TBC1D32: variants seen among roughly 807,000 people sequenced by gnomAD.
The protein encoded by TBC1D32 is protein broad-minded.
In TBC1D32, 151 loss-of-function variants were observed where a neutral mutation model predicts 170.3. That is an observed-to-expected ratio of 0.89 (90% CI 0.78 to 1.01). The LOEUF is 1.01. TBC1D32 is among the 50% of genes least tolerant of loss of function. The probability of loss-of-function intolerance (pLI) is 0.00; values close to 1 mark genes in which losing one functional copy is unlikely to be tolerated. For synonymous variants in TBC1D32, 498 were observed against 488.0 expected (o/e 1.02, Z -0.27); for missense variants, 1,464 against 1,457.1 (o/e 1.00, Z -0.08).
chr6:121,217,058 G>GC (rs1793917451), intron 21 of TBC1D32, among the ~76,000 whole-genome samples: 1 of 152,200 alleles, frequency 6.6e-6, no homozygotes, highest in Non-Finnish European at 1.5e-5. Flanking sequence ...TCCTAACACA[G>GC]CCCCATTCAA....
At chr6:121,219,046 C>T (rs1188568026) in intron 21 of TBC1D32, among the ~76,000 whole-genome samples, 1 of 152,058 alleles carries the variant, frequency 6.6e-6, no homozygotes, top group Non-Finnish European at 1.5e-5. Flanking sequence ...AGGGAGGTTC[C>T]ATTACATTAG....
intron 22 of TBC1D32, among the ~76,000 whole-genome samples, chr6:121,170,726 G>A (rs540666382): frequency 8.5e-4 from 129 of 151,980 alleles, no homozygotes; most frequent in African/African-American, 3.1e-3. Flanking sequence ...ATTTTTAAAA[G>A]ACCATGGGTA....
chr6:121,144,912 A>G (rs1411238127), intron 24 of TBC1D32, among the ~76,000 whole-genome samples: 1 of 152,196 alleles, frequency 6.6e-6, no homozygotes, highest in Admixed American at 6.5e-5. Flanking sequence ...AAACCAAACA[A>G]GAGTATTTTC....
intron 11 of TBC1D32, among the ~76,000 whole-genome samples, chr6:121,293,795 C>A (rs1047009777): frequency 3.3e-5 from 5 of 152,172 alleles, no homozygotes; most frequent in Admixed American, 3.3e-4. Flanking sequence ...CCTGTACTCC[C>A]AGCTACTTGG....
chr6:121,080,689 T>G lies in TBC1D32; in HGVS notation c.*82A>C. On this transcript the variant is annotated 3_prime_UTR_variant, in exon 32 of 32. Transcript: ENST00000398212. The stretch of plus-strand genomic sequence containing the variant: ...ATGTATATTCACAAAGTAAATGTTG[T>G]TACAGACACAGAAAAACATCAAGCC... 1 of 1,496,744 alleles carries G rather than the reference T, an allele frequency of 6.7e-7. No homozygotes were observed. The highest frequency in any genetic ancestry group is 9.0e-7 in the Non-Finnish European group (1 of 1,116,106). 92.7% of individuals were successfully genotyped at this position (1,496,744 alleles called of 1,614,324 possible). A position where few individuals can be genotyped will look rare whatever the true frequency, so the allele number is the denominator to read the frequency against.
At chr6:121,297,802 C>G (rs1805887920) in intron 10 of TBC1D32, among the ~76,000 whole-genome samples, 1 of 152,030 alleles carries the variant, frequency 6.6e-6, no homozygotes, top group Non-Finnish European at 1.5e-5. Flanking sequence ...CTCATTTACT[C>G]TAGTCTCATT....
intron 24 of TBC1D32, among the ~76,000 whole-genome samples, chr6:121,147,574 G>T (rs945060317): frequency 1.3e-5 from 2 of 151,632 alleles, no homozygotes; most frequent in Non-Finnish European, 2.9e-5. Context: ...GTGATGGTGA[G>T]CATTTTTAAT....
intron 26 of TBC1D32, among the ~76,000 whole-genome samples, chr6:121,120,295 G>A (rs965251781): frequency 1.1e-4 from 17 of 151,886 alleles, no homozygotes; most frequent in African/African-American, 2.4e-4. Context: ...GATCTCACTC[G>A]GCATAATTTA....
intron 20 of TBC1D32, among the ~76,000 whole-genome samples, chr6:121,226,312 T>TG (rs1795059244): frequency 6.6e-6 from 1 of 151,912 alleles, no homozygotes; most frequent in African/African-American, 2.4e-5. Flanking sequence ...TGGAGAGCAA[T>TG]GGGGGGATAT....
intron 24 of TBC1D32, among the ~76,000 whole-genome samples, chr6:121,159,180 C>T (rs750566052): frequency 6.6e-6 from 1 of 152,186 alleles, no homozygotes; most frequent in Non-Finnish European, 1.5e-5. Context: ...TCCTAGCAGG[C>T]TATACATTTT....
chr6:121,183,036 C>CTGTG (rs55884801), intron 22 of TBC1D32, among the ~76,000 whole-genome samples: 10 of 149,034 alleles, frequency 6.7e-5, no homozygotes, highest in Admixed American at 1.4e-4. Flanking sequence ...AAGAGACAGA[C>CTGTG]TGTGTGTGTG....
In TBC1D32 at chr6:121,310,862, T is replaced by A. The variant is rs9372653; in HGVS notation, c.496-15A>T. 1,437,341 of 1,440,720 alleles carry A rather than the reference T, an allele frequency of 1. 717,058 individuals carry two copies. The highest frequency in any genetic ancestry group is 1 in the East Asian group (43,763 of 43,764). 89.2% of individuals were successfully genotyped at this position (1,440,720 alleles called of 1,614,324 possible). A position where few individuals can be genotyped will look rare whatever the true frequency, so the allele number is the denominator to read the frequency against. On this transcript the variant is annotated splice_polypyrimidine_tract_variant and intron_variant, in intron 3 of 31. Coordinates refer to ENST00000398212, the MANE Select transcript of TBC1D32 (RefSeq NM_152730.6). ...AATTTGTAACTCTGTAACACAATTG[T>A]CAGGACATTCATTTATTTAGAAGGC...
chr6:121,094,512 A>G (rs568902789), intron 30 of TBC1D32, among the ~76,000 whole-genome samples: 1 of 152,260 alleles, frequency 6.6e-6, no homozygotes, highest in African/African-American at 2.4e-5. Context: ...GACAACCTAG[A>G]ATTCTAATAG....
At chr6:121,183,682 CCTT>C (rs1180691842) in intron 22 of TBC1D32, among the ~76,000 whole-genome samples, 1 of 151,988 alleles carries the variant, frequency 6.6e-6, no homozygotes, top group Non-Finnish European at 1.5e-5. Flanking sequence ...GTGAATTAAA[CCTT>C]CTGTGAAGAA....
At chr6:121,196,218 A>G (rs1790719981) in intron 22 of TBC1D32, among the ~76,000 whole-genome samples, 1 of 152,176 alleles carries the variant, frequency 6.6e-6, no homozygotes, top group Non-Finnish European at 1.5e-5. Context: ...GCCCATGAAC[A>G]AAGTGGCCAC....
chr6:121,297,382 A>C (rs139085632), intron 10 of TBC1D32, among the ~76,000 whole-genome samples: 1,880 of 152,230 alleles, frequency 0.012, 39 homozygotes, highest in African/African-American at 0.043. Flanking sequence ...TAAGACACGA[A>C]AAACCAAGGG....
chr6:121,128,606 G>A (rs1014187840), intron 25 of TBC1D32, among the ~76,000 whole-genome samples: 1 of 152,092 alleles, frequency 6.6e-6, no homozygotes, highest in Admixed American at 6.6e-5. Context: ...TCTATAGAGG[G>A]TTTTAAATTA....
intron 13 of TBC1D32, among the ~76,000 whole-genome samples, chr6:121,283,054 G>A (rs78623676): frequency 0.033 from 4,986 of 151,830 alleles, 191 homozygotes; most frequent in East Asian, 0.12. Flanking sequence ...TGGTGTACCC[G>A]TCACCTGAAC....
chr6:121,102,677 G>A (rs1355820607), intron 30 of TBC1D32, among the ~76,000 whole-genome samples: 1 of 152,102 alleles, frequency 6.6e-6, no homozygotes, highest in Non-Finnish European at 1.5e-5. Context: ...ACATAGGCAT[G>A]GGCAAGGACT....
Sources: gnomAD v4.1 joint callset for allele counts (sites outside exome capture counted in the v4.1 genomes callset) on GRCh38, gnomAD v4.1.1 for gene constraint, MANE v1.5 for transcripts, NCBI Gene and HGNC (gene_info 2026-07-23, HGNC 2026-07-21) for gene names.